The following JADE3 variants were observed in gnomAD, a reference collection of about 807,000 sequenced individuals.
JADE3 encodes protein Jade-3.
A neutral mutation model predicts 50.1 loss-of-function variants in JADE3; 2 were observed. The observed-to-expected ratio is 0.04, with a 90% confidence interval of 0.02 to 0.13. The LOEUF (loss-of-function observed/expected upper bound fraction) is 0.13. Among genes scored for constraint, JADE3 ranks in the 10% least tolerant of loss-of-function variants. The pLI is 1.00. For synonymous variants in JADE3, 218 were observed against 232.9 expected (o/e 0.94, Z 0.58); for missense variants, 475 against 634.4 (o/e 0.75, Z 2.70).
chrX:47,046,203 C>T (rs1929370303), intron 8 of JADE3, among the ~76,000 whole-genome samples: 1 of 111,585 alleles, frequency 9.0e-6, no homozygotes, highest in South Asian at 3.7e-4. Context: ...GACATTGCTA[C>T]TGATACTGCA....
At chrX:46,934,590 G>A (rs1602374534) in intron 1 of JADE3, among the ~76,000 whole-genome samples, 1 of 110,217 alleles carries the variant, frequency 9.1e-6, no homozygotes, top group South Asian at 3.8e-4. Flanking sequence ...GAGTCACCGC[G>A]CCCGGCCTTT....
intron 4 of JADE3, among the ~76,000 whole-genome samples, chrX:47,013,951 C>T (rs1928618145): frequency 8.9e-6 from 1 of 112,080 alleles, no homozygotes; most frequent in African/African-American, 3.2e-5. Flanking sequence ...TTGCCATGAC[C>T]TTTACTCTTG....
chrX:46,980,805 G>A (rs1447532663), intron 1 of JADE3, among the ~76,000 whole-genome samples: 6 of 111,247 alleles, frequency 5.4e-5, no homozygotes, highest in African/African-American at 2.0e-4. Flanking sequence ...AGAGATGTCC[G>A]TGTCCTAATC....
chrX:46,971,149 A>G (rs1274457439), intron 1 of JADE3, among the ~76,000 whole-genome samples: 2 of 59,310 alleles, frequency 3.4e-5, no homozygotes, highest in Non-Finnish European at 5.9e-5. Flanking sequence ...GAGTTTCACT[A>G]TTGTTGCCCA....
intron 4 of JADE3, among the ~76,000 whole-genome samples, chrX:47,016,372 G>A (rs1307423083): frequency 1.8e-5 from 2 of 111,775 alleles, no homozygotes; most frequent in Non-Finnish European, 3.8e-5. Context: ...TTGATGCTAT[G>A]GTCTACACTG....
rs1929726222 is a variant in JADE3, at chrX:47,059,832, T to C, written c.*755T>C. On this transcript the variant is annotated 3_prime_UTR_variant, in exon 11 of 11. Coordinates refer to ENST00000614628, the MANE Select transcript of JADE3 (RefSeq NM_014735.5). ...TCTCTGTTTAGGCATTTGTGAAGGA[T>C]TCCAGAGCCTTTCCCAAAGTGAGAC... 1 of 112,333 alleles carries C rather than the reference T, an allele frequency of 8.9e-6. No homozygotes were observed. The highest frequency in any genetic ancestry group is 3.2e-5 in the African/African-American group (1 of 30,863). The allele number at this position is 112,333 out of a possible 1,213,427, so 9.3% of individuals were successfully genotyped here.
chrX:46,998,413 C>A (rs1406657495), intron 4 of JADE3, 136 bp downstream of exon 4: 4 of 511,239 alleles, frequency 7.8e-6, no homozygotes, highest in East Asian at 7.1e-5. Flanking sequence ...TTCACTCAGA[C>A]CAGTGGCAGA....
intron 1 of JADE3, among the ~76,000 whole-genome samples, chrX:46,972,426 C>T (rs1927519121): frequency 1.8e-5 from 2 of 111,480 alleles, no homozygotes; most frequent in African/African-American, 3.3e-5. Context: ...GAACTCCTGA[C>T]CTCAGGTTAT....
chrX:46,966,902 T>C (rs181409137), intron 1 of JADE3, among the ~76,000 whole-genome samples: 1 of 111,982 alleles, frequency 8.9e-6, no homozygotes, highest in East Asian at 2.8e-4. Flanking sequence ...TCATAGAAAA[T>C]CATCCATATG....
At chrX:47,014,598 T>A (rs1460683543) in intron 4 of JADE3, among the ~76,000 whole-genome samples, 2 of 112,088 alleles carry the variant, frequency 1.8e-5, no homozygotes, top group Non-Finnish European at 3.8e-5. Flanking sequence ...AACTGATGTC[T>A]TATCCTTCTT....
intron 4 of JADE3, among the ~76,000 whole-genome samples, chrX:47,007,486 A>G (rs1020801055): frequency 1.8e-5 from 2 of 111,641 alleles, no homozygotes; most frequent in Non-Finnish European, 3.8e-5. Flanking sequence ...TATGATTGCT[A>G]TGTCTTCTTG....
intron 1 of JADE3, among the ~76,000 whole-genome samples, chrX:46,973,921 A>C (rs1343333654): frequency 9.1e-6 from 1 of 109,781 alleles, no homozygotes; most frequent in East Asian, 2.8e-4. Flanking sequence ...TCTCTACTAA[A>C]AATACAAAAT....
chrX:46,923,791 C>T (rs1267979007), intron 1 of JADE3, among the ~76,000 whole-genome samples: 1 of 110,988 alleles, frequency 9.0e-6, no homozygotes, highest in Non-Finnish European at 1.9e-5. Context: ...TTACTTTGTG[C>T]TGCTTCCCAA....
chrX:46,915,526 A>T (rs1235165190), intron 1 of JADE3, among the ~76,000 whole-genome samples: 1 of 111,273 alleles, frequency 9.0e-6, no homozygotes, highest in Non-Finnish European at 1.9e-5. Flanking sequence ...TCTGGTTTGT[A>T]TGGTGGGGAG....
At chrX:46,965,126 A>G (rs1927340932) in intron 1 of JADE3, among the ~76,000 whole-genome samples, 1 of 112,169 alleles carries the variant, frequency 8.9e-6, no homozygotes, top group South Asian at 3.7e-4. Context: ...TTACAGGCCT[A>G]TAGTTATGGA....
At position 46,985,804 on chromosome X, in the gene JADE3, T is replaced by A; in HGVS notation, c.126+12T>A. On this transcript the variant is annotated intron_variant, in intron 3 of 10. Transcript: ENST00000614628. ...AGAAACCTGCTGAGGTGAGATCGTA[T>A]TCTCAATTTTTAGACTTAAGCTATA... The A allele has an allele frequency of 9.0e-7, 1 of 1,115,127 alleles. No homozygotes were observed. Among genetic ancestry groups the A allele is most frequent in the Non-Finnish European group, 1.2e-6 (1 of 809,805 alleles). The allele number at this position is 1,115,127 out of a possible 1,213,427, so 91.9% of individuals were successfully genotyped here.
At chrX:46,934,252 C>T (rs1364992673) in intron 1 of JADE3, among the ~76,000 whole-genome samples, 1 of 110,704 alleles carries the variant, frequency 9.0e-6, no homozygotes, top group East Asian at 2.8e-4. Flanking sequence ...TCTCATGCCT[C>T]AGCCTCCCGA....
At chrX:46,985,852 A>T in intron 3 of JADE3, 60 bp downstream of exon 3, 1 of 783,276 alleles carries the variant, frequency 1.3e-6, no homozygotes, top group South Asian at 2.2e-5. Context: ...GTCTTCCAAA[A>T]CCTCATGTTG....
intron 4 of JADE3, among the ~76,000 whole-genome samples, chrX:47,007,805 TTTTG>T (rs782284720): frequency 0.13 from 10,397 of 79,727 alleles, 578 homozygotes; most frequent in African/African-American, 0.22. Context: ...TGTCCTTTTA[TTTTG>T]TGTGTGTGTG....
Sources: gnomAD v4.1 joint callset for allele counts (sites outside exome capture counted in the v4.1 genomes callset) on GRCh38, gnomAD v4.1.1 for gene constraint, MANE v1.5 for transcripts, NCBI Gene and HGNC (gene_info 2026-07-23, HGNC 2026-07-21) for gene names.